The following P2RX4 variants were observed in gnomAD, a reference collection of about 807,000 sequenced individuals.
P2RX4 encodes the protein P2X purinoceptor 4.
A neutral mutation model predicts 48.0 loss-of-function variants in P2RX4; 37 were observed. The observed-to-expected ratio is 0.77, with a 90% confidence interval of 0.59 to 1.01. The LOEUF (loss-of-function observed/expected upper bound fraction) is 1.01. Ranked by LOEUF, P2RX4 falls within the 50% of genes least tolerant of loss-of-function variation. The probability of loss-of-function intolerance (pLI) is 0.00; values close to 1 mark genes in which losing one functional copy is unlikely to be tolerated. For missense variants in P2RX4, 501 were observed against 521.4 expected (o/e 0.96, Z 0.38); for synonymous variants, 200 against 199.7 (o/e 1.00, Z -0.01).
intron 1 of P2RX4, chr12:121,216,023 A>T (rs1022462909): frequency 7.4e-6 from 1 of 134,982 alleles, no homozygotes; most frequent in African/African-American, 2.8e-5. Flanking sequence ...TTCGTGGGCC[A>T]CACTGGAAGG....
Position 121,228,846 on chromosome 12 carries a change from T to G in P2RX4, c.727T>G (p.Phe243Val), listed in dbSNP as rs750308034. ...GKIVENAGHS[F>V]QDMAVEGGIM... The stretch of plus-strand genomic sequence containing the variant: ...AATAGTGGAGAACGCAGGACACAGT[T>G]TCCAGGACATGGCCGTGGAGGTGGG... Residue 243 changes from phenylalanine to valine, a missense_variant, in exon 7 of 12, where the codon TTC becomes GTC. Physicochemically the swap from Phe to Val is conservative, Grantham distance 50 (BLOSUM62 -1). This residue lies in a region of P2RX4 where 197 missense variants were observed against 219.5 expected (regional missense o/e 0.90). Transcript: ENST00000337233. 1 of 1,614,066 alleles carries G rather than the reference T, an allele frequency of 6.2e-7. No individual in the cohort carries two copies. Among genetic ancestry groups the G allele is most frequent in the Non-Finnish European group, 8.5e-7 (1 of 1,180,044 alleles).
Position 121,225,725 on chromosome 12 carries a change from T to C in P2RX4, c.524+2682T>C, listed in dbSNP as rs188970004. 1.4e-4 allele frequency among the ~76,000 whole-genome samples: 21 copies of C among 152,190 alleles called. No individual in the cohort carries two copies. In the East Asian group the frequency reaches 4.1e-3, roughly 29 times the overall value. ...CACGCCCGGCCCTGAATATTTATTA[T>C]GAAAAAAAGAATGTATAATATCTCA... On this transcript the variant is annotated intron_variant, in intron 5 of 11. Coordinates refer to ENST00000337233, the MANE Select transcript of P2RX4 (RefSeq NM_002560.3).
chr12:121,223,073 T>A, intron 5 of P2RX4, 30 bp downstream of exon 5: 2 of 1,427,596 alleles, frequency 1.4e-6, no homozygotes, highest in Non-Finnish European at 2.0e-6. Context: ...AGGAAGTGCC[T>A]TTTTGTTTTG....
Position 121,229,217 on chromosome 12 carries a change from G to A in P2RX4, c.884+118G>A, listed in dbSNP as rs1007123835. 36 of 1,272,900 alleles carry A rather than the reference G, an allele frequency of 2.8e-5. No homozygotes were observed. Among genetic ancestry groups the A allele is most frequent in the South Asian group, 6.4e-5 (5 of 77,530 alleles). The allele number at this position is 1,272,900 out of a possible 1,614,324, so 78.9% of individuals were successfully genotyped here. A position where few individuals can be genotyped will look rare whatever the true frequency, so the allele number is the denominator to read the frequency against. Reference sequence around the variant, plus strand: ...GGCAGCACCCCAAGGGCAGGCTGCCGGTCCCCCGTCCAAGGCGGCGGGAAG... The same window carrying A: ...GGCAGCACCCCAAGGGCAGGCTGCCAGTCCCCCGTCCAAGGCGGCGGGAAG... On this transcript the variant is annotated intron_variant, in intron 8 of 11. Transcript: ENST00000337233. This position sits in a 1 kb window ranked among gnomAD's most constrained non-coding sequence, Gnocchi z 4.6.
Position 121,229,091 on chromosome 12 carries a change from C to T in P2RX4, c.876C>T (p.Tyr292=), listed in dbSNP as rs745789325. ...RDVEHNVSPG[Y]NFRFAKYYRD... The stretch of plus-strand genomic sequence containing the variant: ...TTGAGCACAACGTATCTCCTGGCTA[C>T]AATTTCAGGTGGGCGTGAGCTTGGG... Residue 292 remains tyrosine (Y), a synonymous_variant, in exon 8 of 12, where the codon TAC becomes TAT. Transcript: ENST00000337233. This position sits in a 1 kb window ranked among gnomAD's most constrained non-coding sequence, Gnocchi z 4.6. 5 of 1,614,008 alleles carry T rather than the reference C, an allele frequency of 3.1e-6. No individual in the cohort carries two copies. The African/African-American group carries it at 6.7e-5, about 22-fold the overall frequency.
In P2RX4 at chr12:121,229,918, G is replaced by A. The variant is rs957469358; in HGVS notation, c.884+819G>A. On this transcript the variant is annotated intron_variant, in intron 8 of 11. Coordinates refer to ENST00000337233, the MANE Select transcript of P2RX4 (RefSeq NM_002560.3). This position sits in a 1 kb window ranked among gnomAD's most constrained non-coding sequence, Gnocchi z 4.6. The stretch of plus-strand genomic sequence containing the variant: ...TTTAGGGCCCACCCTACTCTAGTAT[G>A]ACCTCATCTTAACAAATTACGTCTG... 6.6e-6 allele frequency among the ~76,000 whole-genome samples: 1 copy of A among 152,108 alleles called. No individual in the cohort carries two copies. Among genetic ancestry groups the A allele is most frequent in the African/African-American group, 2.4e-5 (1 of 41,402 alleles).
Position 121,211,975 on chromosome 12 carries a change from G to A in P2RX4, c.134+1677G>A, listed in dbSNP as rs541215270. Among the ~76,000 whole-genome samples, 14 of 152,158 alleles carry A rather than the reference G, an allele frequency of 9.2e-5. No individual in the cohort carries two copies. In the South Asian group the frequency reaches 2.7e-3, roughly 29 times the overall value. On this transcript the variant is annotated intron_variant, in intron 1 of 11. Coordinates refer to ENST00000337233, the MANE Select transcript of P2RX4 (RefSeq NM_002560.3). Reference sequence around the variant, plus strand: ...CAGGCGTGAGCCACCGCGCCCAGACGCATCCCCAGACCTTCTGATTTAATT... The same window carrying A: ...CAGGCGTGAGCCACCGCGCCCAGACACATCCCCAGACCTTCTGATTTAATT...
chr12:121,230,390 A>G (rs1456831508), intron 8 of P2RX4, among the ~76,000 whole-genome samples: 1 of 152,138 alleles, frequency 6.6e-6, no homozygotes, highest in Admixed American at 6.5e-5. Context: ...CTCAGGGGGA[A>G]AAAAAAGAGG....
intron 2 of P2RX4, 24 bp from the exon 3 acceptor site, chr12:121,221,889 G>A (rs1197808612): frequency 6.2e-7 from 1 of 1,611,388 alleles, no homozygotes; most frequent in Middle Eastern, 1.6e-4. Context: ...AGCGTGGCTT[G>A]CCCGTGCTGT....
intron 1 of P2RX4, chr12:121,215,113 A>G (rs1886137647): frequency 6.6e-6 from 1 of 152,156 alleles, no homozygotes; most frequent in Admixed American, 6.6e-5. Context: ...CAACACTGAT[A>G]GTCTCTAGTA....
chr12:121,228,979 T>C lies in P2RX4; in HGVS notation c.764T>C (p.Ile255Thr). 1 of 1,614,090 alleles carries C rather than the reference T, an allele frequency of 6.2e-7. No homozygotes were observed. Among genetic ancestry groups the C allele is most frequent in the Non-Finnish European group, 8.5e-7 (1 of 1,180,022 alleles). The change falls in exon 8 of 12, where the codon ATC (isoleucine) becomes ACC (threonine). Residue 255 changes from isoleucine (I) to threonine (T), a missense_variant. Coordinates refer to ENST00000337233, the MANE Select transcript of P2RX4 (RefSeq NM_002560.3). ...DMAVEGGIMG[I>T]QVNWDCNLDR... is the part of the protein sequence containing the mutation. ...CATCCCCAGGGAGGCATCATGGGCA[T>C]CCAGGTCAACTGGGACTGCAACCTG...
At chr12:121,233,467 C>T (rs28360474) in intron 11 of P2RX4, 56 bp from the exon 12 acceptor site, 77,544 of 1,570,166 alleles carry the variant, frequency 0.049, 2,319 homozygotes, top group Non-Finnish European at 0.057. Flanking sequence ...ACCTCCCTCC[C>T]GCCTGCCACA....
intron 5 of P2RX4, among the ~76,000 whole-genome samples, chr12:121,225,459 G>A (rs980472434): frequency 1.3e-5 from 2 of 152,004 alleles, no homozygotes; most frequent in East Asian, 3.9e-4. Flanking sequence ...CGCCCAGGCT[G>A]GAGTGCAGTG....
In P2RX4 at chr12:121,228,855, A is replaced by G. The variant is rs895618401; in HGVS notation, c.736A>G (p.Met246Val). The stretch of plus-strand genomic sequence containing the variant: ...GAACGCAGGACACAGTTTCCAGGAC[A>G]TGGCCGTGGAGGTGGGTGCGGGCCC... ...VENAGHSFQD[M>V]AVEGGIMGIQ... Residue 246 changes from methionine to valine, a missense_variant, in exon 7 of 12, where the codon ATG becomes GTG. Coordinates refer to ENST00000337233, the MANE Select transcript of P2RX4 (RefSeq NM_002560.3). 1.9e-6 allele frequency: 3 copies of G among 1,614,138 alleles called. No homozygotes were observed. Among genetic ancestry groups the G allele is most frequent in the Non-Finnish European group, 2.5e-6 (3 of 1,180,030 alleles).
At position 121,232,782 on chromosome 12, in the gene P2RX4, G is replaced by T. The variant is rs1887454962; in HGVS notation, c.1044+106G>T. 8 of 1,039,948 alleles carry T rather than the reference G, an allele frequency of 7.7e-6. No homozygotes were observed. In the South Asian group the frequency reaches 1.0e-4, roughly 13 times the overall value. The allele number at this position is 1,039,948 out of a possible 1,614,324, so 64.4% of individuals were successfully genotyped here. A position where few individuals can be genotyped will look rare whatever the true frequency, so the allele number is the denominator to read the frequency against. On this transcript the variant is annotated intron_variant, in intron 10 of 11. Transcript: ENST00000337233. This position sits in a 1 kb window ranked among gnomAD's most constrained non-coding sequence, Gnocchi z 4.3. ...AGACCTCAGATGTGTTTCTAAACTT[G>T]ACCCTCCTACCTTCTTTCCCTTGGC...
At position 121,232,879 on chromosome 12, in the gene P2RX4, G is replaced by A; in HGVS notation, c.1045-118G>A. ...GGTCCCAGCCTTCTCCCAAGAGATG[G>A]GAGTGCCTTTCCATTCCGGTAAAGA... On this transcript the variant is annotated intron_variant, in intron 10 of 11. Transcript: ENST00000337233. The surrounding 1 kb of genome is among the most constrained non-coding windows in gnomAD (Gnocchi z 4.3). 1.1e-6 allele frequency: 1 copy of A among 888,978 alleles called. No homozygotes were observed. The allele number at this position is 888,978 out of a possible 1,614,324, so 55.1% of individuals were successfully genotyped here.
chr12:121,224,003 GC>G (rs1244295637), intron 5 of P2RX4, among the ~76,000 whole-genome samples: 2 of 152,176 alleles, frequency 1.3e-5, no homozygotes, highest in Non-Finnish European at 2.9e-5. Context: ...TGCACTTACA[GC>G]CCCCCAAGTC....
chr12:121,217,293 A>G lies in P2RX4; in HGVS notation c.282+12A>G. ...TGATACCAGCTCAGGTGTGTCTCCC[A>G]CTGTGTCTTCTGTCTAACACTGACA... On this transcript the variant is annotated intron_variant, in intron 2 of 11. Transcript: ENST00000337233. The G allele has an allele frequency of 6.2e-7, 1 of 1,613,514 alleles. No homozygotes were observed.
chr12:121,228,833 C>G lies in P2RX4; in HGVS notation c.714C>G (p.Asn238Lys). The change falls in exon 7 of 12, where the codon AAC becomes AAG. Residue 238 changes from asparagine (N) to lysine (K), a missense_variant. Asn to Lys is a moderately conservative substitution (Grantham distance 94). Transcript: ENST00000337233. ...TCCGTCTTGGCAAAATAGTGGAGAA[C>G]GCAGGACACAGTTTCCAGGACATGG... ...PIFRLGKIVE[N>K]AGHSFQDMAV... 2 of 1,614,134 alleles carry G rather than the reference C, an allele frequency of 1.2e-6. No individual in the cohort carries two copies. Among genetic ancestry groups the G allele is most frequent in the East Asian group, 2.2e-5 (1 of 44,876 alleles).
Sources: gnomAD v4.1 joint callset for allele counts (sites outside exome capture counted in the v4.1 genomes callset) on GRCh38, gnomAD v4.1.1 for gene constraint, gnomAD v4.1.1 regional missense constraint, Gnocchi (gnomAD v3.1) non-coding constraint, MANE v1.5 for transcripts, NCBI Gene and HGNC (gene_info 2026-07-23, HGNC 2026-07-21) for gene names.